SRPRB: variants seen among roughly 807,000 people sequenced by gnomAD.
The protein encoded by SRPRB is SRP receptor subunit beta, also known as signal recognition particle receptor subunit beta.
Under a neutral mutation model 31.9 loss-of-function variants are expected in SRPRB, and 20 were observed. The observed-to-expected ratio is 0.63, with a 90% confidence interval of 0.44 to 0.91. The LOEUF is 0.91. Among genes scored for constraint, SRPRB ranks in the 40% least tolerant of loss-of-function variants. The pLI is 0.00. For synonymous variants in SRPRB, 146 were observed against 132.8 expected (o/e 1.10, Z -0.68); for missense variants, 321 against 324.9 (o/e 0.99, Z 0.09).
In SRPRB at chr3:133,792,572, CA is replaced by C. The variant is rs367730606; in HGVS notation, c.-174+8431del. 1.3e-3 allele frequency: 194 copies of C among 152,234 alleles called. 4 individuals carry two copies. The highest frequency in any genetic ancestry group is 4.5e-3 in the African/African-American group (186 of 41,534). The allele number at this position is 152,234 out of a possible 1,614,324, so 9.4% of individuals were successfully genotyped here. A position where few individuals can be genotyped will look rare whatever the true frequency, so the allele number is the denominator to read the frequency against. ...TATATAATTAAAATCCTTAACTTAC[CA>C]AAGTTTTCACCAAAAGTAAAACTCG... On this transcript the variant is annotated intron_variant, in intron 1 of 7. Transcript: ENST00000466490.
intron 1 of SRPRB, chr3:133,784,471 A>AAAAAAAAT (rs763086171): frequency 1.3e-4 from 14 of 105,592 alleles, no homozygotes; most frequent in African/African-American, 3.0e-4. Context: ...TTTGTTAAAA[A>AAAAAAAAT]AATAATAATA....
chr3:133,827,106 C>A (rs1935577394), downstream of SRPRB: 1 of 152,592 alleles, frequency 6.6e-6, no homozygotes, highest in Admixed American at 6.5e-5. Flanking sequence ...GCCTCCTAGG[C>A]AGAGGGTGTG....
intron 1 of SRPRB, chr3:133,795,934 A>G (rs1490824485): frequency 1.3e-5 from 2 of 152,212 alleles, no homozygotes; most frequent in African/African-American, 2.4e-5. Flanking sequence ...TACTGAGCCC[A>G]TGCGCCAGGC....
intron 1 of SRPRB, among the ~76,000 whole-genome samples, chr3:133,797,974 C>T (rs1369646012): frequency 6.6e-6 from 1 of 152,038 alleles, no homozygotes; most frequent in Non-Finnish European, 1.5e-5. Context: ...GCTAGTATCT[C>T]GGTATCCAGA....
At chr3:133,814,719 G>A (rs1211324746) in intron 4 of SRPRB, among the ~76,000 whole-genome samples, 1 of 152,176 alleles carries the variant, frequency 6.6e-6, no homozygotes, top group African/African-American at 2.4e-5. Flanking sequence ...GATTACAGGC[G>A]TGAGCCACCG....
intron 4 of SRPRB, among the ~76,000 whole-genome samples, chr3:133,812,705 T>C (rs1935298272): frequency 1.3e-5 from 2 of 152,248 alleles, no homozygotes; most frequent in African/African-American, 4.8e-5. Flanking sequence ...TTTTAAACAT[T>C]GCCTATTTGA....
chr3:133,790,073 G>A (rs184410921), intron 1 of SRPRB: 10 of 151,948 alleles, frequency 6.6e-5, no homozygotes, highest in Non-Finnish European at 7.4e-5. Flanking sequence ...CTAACATTTC[G>A]GTTTACAGAG....
intron 1 of SRPRB, chr3:133,787,837 G>T (rs1279275730): frequency 6.6e-6 from 1 of 152,258 alleles, no homozygotes; most frequent in South Asian, 2.1e-4. Flanking sequence ...TACTAAAGAG[G>T]TTGCCAATGT....
upstream of SRPRB, among the ~76,000 whole-genome samples, chr3:133,804,107 A>AG (rs1935106798): frequency 9.3e-5 from 14 of 150,720 alleles, no homozygotes; most frequent in South Asian, 2.9e-3. Context: ...AAAAAAAAAA[A>AG]AAAAAAAAAG....
At chr3:133,819,436 C>T in intron 6 of SRPRB, 117 bp from the exon 7 acceptor site, 1 of 768,396 alleles carries the variant, frequency 1.3e-6, no homozygotes, top group Non-Finnish European at 2.0e-6. Context: ...ATCTTAATAG[C>T]ATAATTGGCA....
At chr3:133,822,862 AG>A (rs1935497186), downstream of SRPRB, among the ~76,000 whole-genome samples, 1 of 152,226 alleles carries the variant, frequency 6.6e-6, no homozygotes, top group Non-Finnish European at 1.5e-5. Context: ...TTAAATGCGC[AG>A]GAAAACAATC....
At position 133,821,125 on chromosome 3, in the gene SRPRB, T is replaced by C. The variant is rs1935464395; in HGVS notation, c.*1359T>C. The C allele has an allele frequency of 6.6e-6, 1 of 152,328 alleles. No homozygotes were observed. Among genetic ancestry groups the C allele is most frequent in the African/African-American group, 2.4e-5 (1 of 41,458 alleles). 9.4% of individuals were successfully genotyped at this position (152,328 alleles called of 1,614,324 possible). The stretch of plus-strand genomic sequence containing the variant: ...AGTGTGATCCTCCATGTATGGCCTC[T>C]GCCTGCTGTCTCACATGTCCCTTCT... On this transcript the variant is annotated 3_prime_UTR_variant, in exon 7 of 7. Transcript: ENST00000678299.
Position 133,820,261 on chromosome 3 carries a change from T to C in SRPRB, c.*495T>C, listed in dbSNP as rs563677516. ...TTTCTCTGATTTGTGGGCACAGTTA[T>C]GAAGTTTCCCCACATGTGAAGACAG... is the stretch of plus-strand genomic sequence containing the variant. On this transcript the variant is annotated 3_prime_UTR_variant, in exon 7 of 7. Coordinates refer to ENST00000678299, the MANE Select transcript of SRPRB (RefSeq NM_001379313.1). 1.2e-5 allele frequency: 2 copies of C among 162,354 alleles called. No homozygotes were observed. Among genetic ancestry groups the C allele is most frequent in the African/African-American group, 4.8e-5 (2 of 41,678 alleles). The allele number at this position is 162,354 out of a possible 1,614,324, so 10.1% of individuals were successfully genotyped here. A position where few individuals can be genotyped will look rare whatever the true frequency, so the allele number is the denominator to read the frequency against.
At position 133,815,669 on chromosome 3, in the gene SRPRB, A is replaced by G. The variant is rs575609753; in HGVS notation, c.490A>G (p.Ile164Val). ...GGCTGAGTTTCTGTATCAAGTCCTC[A>G]TTGACAGTATGGGTCTGAAGAATAC... The part of the protein sequence containing the change: ...DVAEFLYQVL[I>V]DSMGLKNTPS... Residue 164 changes from isoleucine to valine, a missense_variant, in exon 5 of 7, where the codon ATT becomes GTT. Coordinates refer to ENST00000678299, the MANE Select transcript of SRPRB (RefSeq NM_001379313.1). 1 of 1,613,968 alleles carries G rather than the reference A, an allele frequency of 6.2e-7. No individual in the cohort carries two copies. The highest frequency in any genetic ancestry group is 1.7e-5 in the Admixed American group (1 of 60,004).
chr3:133,798,205 C>T (rs1040415856), intron 1 of SRPRB, among the ~76,000 whole-genome samples: 1 of 152,114 alleles, frequency 6.6e-6, no homozygotes, highest in African/African-American at 2.4e-5. Flanking sequence ...GTTAAACCAC[C>T]ACTGAGCAGT....
At chr3:133,809,484 CTTTG>C (rs1313057318) in intron 3 of SRPRB, among the ~76,000 whole-genome samples, 3 of 151,510 alleles carry the variant, frequency 2.0e-5, no homozygotes, top group Admixed American at 1.3e-4. Flanking sequence ...TTAGCGATAT[CTTTG>C]TTTTTTTTTT....
At chr3:133,816,097 T>C (rs1213353007) in intron 5 of SRPRB, among the ~76,000 whole-genome samples, 1 of 152,230 alleles carries the variant, frequency 6.6e-6, no homozygotes, top group Non-Finnish European at 1.5e-5. Context: ...TACAGCACAT[T>C]TTATCAAGGG....
upstream of SRPRB, among the ~76,000 whole-genome samples, chr3:133,803,566 C>G (rs1309679401): frequency 6.6e-6 from 1 of 152,160 alleles, no homozygotes; most frequent in Non-Finnish European, 1.5e-5. Flanking sequence ...CCTAATACAA[C>G]CCTTAACATC....
At chr3:133,794,594 A>G (rs1388314888) in intron 1 of SRPRB, 3 of 152,362 alleles carry the variant, frequency 2.0e-5, no homozygotes, top group Admixed American at 1.3e-4. Flanking sequence ...AACATTGGAT[A>G]AAGACTGTCC....
Sources: allele counts gnomAD v4.1 joint callset (sites outside exome capture counted in the v4.1 genomes callset), GRCh38; gene constraint gnomAD v4.1.1; transcripts MANE v1.5; gene names NCBI Gene and HGNC (gene_info 2026-07-23, HGNC 2026-07-21).